Variants in ST6GAL2 observed in about 807,000 individuals in gnomAD.
ST6GAL2 encodes beta-galactoside alpha-2,6-sialyltransferase 2.
A neutral mutation model predicts 37.5 loss-of-function variants in ST6GAL2; 24 were observed. The observed-to-expected ratio is 0.64, with a 90% CI of 0.46 to 0.90. The LOEUF is 0.90. Ranked by LOEUF, ST6GAL2 falls within the 40% of genes least tolerant of loss-of-function variation. ST6GAL2 has a pLI of 0.00. For missense variants in ST6GAL2, 715 were observed against 712.7 expected, an observed-to-expected ratio of 1.00 and a Z score of -0.04; for synonymous variants, 306 against 295.1, an observed-to-expected ratio of 1.04 and a Z score of -0.38.
At chr2:106,809,372 G>C (rs1030660902) in intron 5 of ST6GAL2, among the ~76,000 whole-genome samples, 4 of 152,232 alleles carry the variant, frequency 2.6e-5, no homozygotes, top group African/African-American at 9.6e-5. Context: ...CAGTGGAACT[G>C]TACCCAGAAA....
chr2:106,811,771 G>C (rs1353503574), intron 5 of ST6GAL2, among the ~76,000 whole-genome samples: 5 of 152,106 alleles, frequency 3.3e-5, no homozygotes, highest in Non-Finnish European at 7.3e-5. Context: ...AAGGTCCTGT[G>C]TCAGTTCCCA....
At chr2:106,884,246 C>T (rs1678868698) in intron 1 of ST6GAL2, among the ~76,000 whole-genome samples, 1 of 152,208 alleles carries the variant, frequency 6.6e-6, no homozygotes, top group African/African-American at 2.4e-5. Context: ...TGTCTTCACC[C>T]CACAGAGTAA....
intron 5 of ST6GAL2, among the ~76,000 whole-genome samples, chr2:106,825,666 T>C (rs1676173581): frequency 6.6e-6 from 1 of 152,258 alleles, no homozygotes; most frequent in African/African-American, 2.4e-5. Flanking sequence ...ACAGCAGAAA[T>C]ACAATGATGA....
intron 5 of ST6GAL2, among the ~76,000 whole-genome samples, chr2:106,825,239 T>C (rs1478828721): frequency 6.6e-6 from 1 of 152,236 alleles, no homozygotes; most frequent in Admixed American, 6.5e-5. Flanking sequence ...TCCTCCTTGC[T>C]CTTTCTCAGA....
chr2:106,806,958 A>G lies in ST6GAL2; in HGVS notation c.1319-9T>C, dbSNP rs1675437847. The stretch of plus-strand genomic sequence containing the variant: ...CATCATTATGAGGATTCCTGACATG[A>G]AAACCAAAAATTAGAACCTAATGAA... On this transcript the variant is annotated splice_polypyrimidine_tract_variant and intron_variant, in intron 5 of 5. Transcript: ENST00000409382. The G allele has an allele frequency of 6.2e-7, 1 of 1,600,984 alleles. No homozygotes were observed.
intron 1 of ST6GAL2, among the ~76,000 whole-genome samples, chr2:106,869,625 G>T (rs887780436): frequency 4.6e-5 from 7 of 152,188 alleles, no homozygotes; most frequent in Admixed American, 1.3e-4. Flanking sequence ...AAAGCTGTCA[G>T]TCAGACCTTT....
At chr2:106,822,314 G>T (rs1472575997) in intron 5 of ST6GAL2, among the ~76,000 whole-genome samples, 1 of 152,022 alleles carries the variant, frequency 6.6e-6, no homozygotes. Context: ...AAAGTTGCAG[G>T]ATACAAAATC....
At chr2:106,851,670 CTTTTT>C (rs5833214) in intron 1 of ST6GAL2, among the ~76,000 whole-genome samples, 13 of 135,854 alleles carry the variant, frequency 9.6e-5, no homozygotes, top group African/African-American at 3.2e-4. Context: ...GTTTTTCTTT[CTTTTT>C]TTTTTTTTTT....
chr2:106,880,223 T>C (rs1007396416), intron 1 of ST6GAL2, among the ~76,000 whole-genome samples: 3 of 152,180 alleles, frequency 2.0e-5, no homozygotes, highest in Non-Finnish European at 2.9e-5. Context: ...ATTTTGCCTA[T>C]GTCTATAGTG....
At chr2:106,871,225 A>T (rs2104617105) in intron 1 of ST6GAL2, among the ~76,000 whole-genome samples, 1 of 152,340 alleles carries the variant, frequency 6.6e-6, no homozygotes, top group South Asian at 2.1e-4. Flanking sequence ...TAAAAGATTT[A>T]AAAATGGTAC....
intron 5 of ST6GAL2, among the ~76,000 whole-genome samples, chr2:106,822,558 A>G (rs13018698): frequency 0.08 from 12,212 of 152,218 alleles, 1,158 homozygotes; most frequent in East Asian, 0.49. Context: ...TACTGTTCAA[A>G]TGTCCATACT....
At position 106,805,881 on chromosome 2, in the gene ST6GAL2, C is replaced by G. The variant is rs1418172023; in HGVS notation, c.*797G>C. The G allele has an allele frequency of 6.6e-6, 1 of 152,232 alleles. No individual in the cohort carries two copies. Among genetic ancestry groups the G allele is most frequent in the African/African-American group, 2.4e-5 (1 of 41,424 alleles). 9.4% of individuals were successfully genotyped at this position (152,232 alleles called of 1,614,324 possible). A position where few individuals can be genotyped will look rare whatever the true frequency, so the allele number is the denominator to read the frequency against. On this transcript the variant is annotated 3_prime_UTR_variant, in exon 6 of 6. Transcript: ENST00000409382. Reference sequence around the variant, plus strand: ...AGAAAAGCCAGAACCGGGGAGTGTCCAGGGGCACCTGCAGCCCTGTGATTC... The same window carrying G: ...AGAAAAGCCAGAACCGGGGAGTGTCGAGGGGCACCTGCAGCCCTGTGATTC...
At chr2:106,815,506 TCTATTTTCAC>T (rs1384022532) in intron 5 of ST6GAL2, among the ~76,000 whole-genome samples, 1 of 152,212 alleles carries the variant, frequency 6.6e-6, no homozygotes, top group Non-Finnish European at 1.5e-5. Context: ...AAAACAAAAG[TCTATTTTCAC>T]CTTGATTATA....
chr2:106,805,082 T>C lies in ST6GAL2; in HGVS notation c.*1596A>G, dbSNP rs891626907. On this transcript the variant is annotated 3_prime_UTR_variant, in exon 6 of 6. Coordinates refer to ENST00000409382, the MANE Select transcript of ST6GAL2 (RefSeq NM_001142351.2). ...GTTTTCCAGCTCCATATCTGCTGAA[T>C]AGACTAACCAAACAGAAGCCTTCAG... 17 of 152,196 alleles carry C rather than the reference T, an allele frequency of 1.1e-4. No individual in the cohort carries two copies. The highest frequency in any genetic ancestry group is 8.5e-4 in the Admixed American group (13 of 15,288). 9.4% of individuals were successfully genotyped at this position (152,196 alleles called of 1,614,324 possible).
chr2:106,885,665 T>A (rs919997201), intron 1 of ST6GAL2, among the ~76,000 whole-genome samples: 2 of 152,120 alleles, frequency 1.3e-5, no homozygotes. Flanking sequence ...GTTTGCCGCC[T>A]GCCAACTACA....
intron 2 of ST6GAL2, among the ~76,000 whole-genome samples, chr2:106,837,018 C>A (rs1361415510): frequency 2.0e-5 from 3 of 150,004 alleles, no homozygotes; most frequent in Non-Finnish European, 3.0e-5. Flanking sequence ...TTTTTAAAGT[C>A]TGGAAAACTT....
At chr2:106,879,611 G>C (rs1678656554) in intron 1 of ST6GAL2, among the ~76,000 whole-genome samples, 1 of 148,438 alleles carries the variant, frequency 6.7e-6, no homozygotes, top group Admixed American at 6.7e-5. Context: ...AGAAATTATA[G>C]ACCAATTATA....
At position 106,816,085 on chromosome 2, in the gene ST6GAL2, A is replaced by G. The variant is rs1315368285; in HGVS notation, c.1319-9136T>C. On this transcript the variant is annotated intron_variant, in intron 5 of 5. Transcript: ENST00000409382. ...ATGGCAGTACCAGAAAAGGAGGTGG[A>G]GTTATTTGGTGTTTTTAAAATTGTA... 2.6e-5 allele frequency among the ~76,000 whole-genome samples: 4 copies of G among 152,316 alleles called. No individual in the cohort carries two copies. In the East Asian group the frequency reaches 7.7e-4, roughly 29 times the overall value.
At chr2:106,885,523 T>TGA (rs1678942969) in intron 1 of ST6GAL2, among the ~76,000 whole-genome samples, 1 of 152,014 alleles carries the variant, frequency 6.6e-6, no homozygotes, top group Non-Finnish European at 1.5e-5. Context: ...CGGGAGCCAT[T>TGA]GAGTTTAACT....
Sources: allele counts gnomAD v4.1 joint callset (sites outside exome capture counted in the v4.1 genomes callset), GRCh38; gene constraint gnomAD v4.1.1; transcripts MANE v1.5; gene names NCBI Gene and HGNC (gene_info 2026-07-23, HGNC 2026-07-21).